MLLT3: variants seen among roughly 807,000 people sequenced by gnomAD.
The protein encoded by MLLT3 is protein AF-9.
MLLT3 carries 4 observed loss-of-function variants against 53.2 expected under a neutral mutation model. That is an observed-to-expected ratio of 0.08 (90% CI 0.04 to 0.17). MLLT3 has a LOEUF of 0.17. Among genes scored for constraint, MLLT3 ranks in the 10% least tolerant of loss-of-function variants. The pLI, the probability that MLLT3 is intolerant of heterozygous loss-of-function variation, is 1.00. For missense variants in MLLT3, 569 were observed against 684.0 expected, an observed-to-expected ratio of 0.83 and a Z score of 1.87; for synonymous variants, 283 against 230.6, an observed-to-expected ratio of 1.23 and a Z score of -2.06.
intron 9 of MLLT3, among the ~76,000 whole-genome samples, chr9:20,354,065 G>GT (rs1821103131): frequency 6.6e-6 from 1 of 152,142 alleles, no homozygotes; most frequent in Admixed American, 6.5e-5. Context: ...ATTTTGTGGG[G>GT]TTTTTCCTGT....
chr9:20,581,884 C>A (rs1819801627), intron 2 of MLLT3, among the ~76,000 whole-genome samples: 1 of 152,110 alleles, frequency 6.6e-6, no homozygotes, highest in African/African-American at 2.4e-5. Context: ...AGGAGAGCAA[C>A]CCTCTCTCAG....
chr9:20,551,568 T>A (rs1035203301), intron 2 of MLLT3, among the ~76,000 whole-genome samples: 2 of 152,200 alleles, frequency 1.3e-5, no homozygotes, highest in African/African-American at 4.8e-5. Flanking sequence ...GTGACACTTT[T>A]AATTCAAAAA....
intron 5 of MLLT3, among the ~76,000 whole-genome samples, chr9:20,397,897 T>C (rs1015143494): frequency 2.0e-4 from 31 of 152,102 alleles, no homozygotes; most frequent in Admixed American, 1.9e-3. Context: ...TAAATATATA[T>C]GTATTTCCAA....
intron 2 of MLLT3, among the ~76,000 whole-genome samples, chr9:20,572,780 C>T (rs980349336): frequency 5.9e-5 from 9 of 152,202 alleles, no homozygotes; most frequent in African/African-American, 1.7e-4. Flanking sequence ...GGCAATGGAG[C>T]AAGACTCCAC....
At chr9:20,498,935 G>T (rs1172218309) in intron 2 of MLLT3, among the ~76,000 whole-genome samples, 1 of 152,090 alleles carries the variant, frequency 6.6e-6, no homozygotes, top group Non-Finnish European at 1.5e-5. Flanking sequence ...CCACAAATAG[G>T]GTGGCTTGAA....
At chr9:20,532,863 C>A in intron 2 of MLLT3, 1 of 266,996 alleles carries the variant, frequency 3.7e-6, no homozygotes, top group Non-Finnish European at 7.2e-6. Flanking sequence ...CAAGTACAGA[C>A]CAGAGGCAAA....
At chr9:20,483,746 C>T (rs543322332) in intron 2 of MLLT3, among the ~76,000 whole-genome samples, 1 of 140,988 alleles carries the variant, frequency 7.1e-6, no homozygotes, top group East Asian at 2.1e-4. Flanking sequence ...ATCGCTCTGT[C>T]ACCCAGGCTA....
rs576655039 is a variant in MLLT3, at chr9:20,484,202, G to A, written c.194-27416C>T. Among the ~76,000 whole-genome samples, 13 of 152,198 alleles carry A rather than the reference G, an allele frequency of 8.5e-5. No individual in the cohort carries two copies. In the South Asian group the frequency reaches 1.2e-3, roughly 15 times the overall value. ...CACACAGAGGCAATCCAGTCAAGCCGGTAATGGAGAGAAATCTTACCAAAT... is the reference window on the plus strand; with the variant it reads ...CACACAGAGGCAATCCAGTCAAGCCAGTAATGGAGAGAAATCTTACCAAAT... On this transcript the variant is annotated intron_variant, in intron 2 of 10. Transcript: ENST00000380338.
intron 2 of MLLT3, among the ~76,000 whole-genome samples, chr9:20,533,799 CA>C (rs1386832940): frequency 6.6e-6 from 1 of 152,186 alleles, no homozygotes. Context: ...AAGCTAGACA[CA>C]GAAACACAAA....
intron 2 of MLLT3, among the ~76,000 whole-genome samples, chr9:20,602,832 T>C (rs1358213733): frequency 1.3e-5 from 2 of 151,540 alleles, no homozygotes; most frequent in Non-Finnish European, 2.9e-5. Context: ...TATCTCCACC[T>C]AAAAAGAGAA....
chr9:20,398,298 C>T (rs563669124), intron 5 of MLLT3, among the ~76,000 whole-genome samples: 12 of 151,976 alleles, frequency 7.9e-5, no homozygotes, highest in Non-Finnish European at 1.3e-4. Context: ...AGGCTGGTGT[C>T]AAACGGCTGG....
intron 2 of MLLT3, among the ~76,000 whole-genome samples, chr9:20,605,135 C>T (rs1295222369): frequency 6.6e-6 from 1 of 151,924 alleles, no homozygotes; most frequent in Non-Finnish European, 1.5e-5. Context: ...GGATTTATAC[C>T]ATTTTATAGA....
intron 5 of MLLT3, among the ~76,000 whole-genome samples, chr9:20,376,333 C>G (rs1821764458): frequency 6.6e-6 from 1 of 152,128 alleles, no homozygotes; most frequent in Non-Finnish European, 1.5e-5. Context: ...CTTATGTTAT[C>G]AAAAGCTATT....
chr9:20,355,013 C>A, intron 8 of MLLT3, 134 bp from the exon 9 acceptor site: 5 of 373,096 alleles, frequency 1.3e-5, no homozygotes, highest in East Asian at 5.3e-5. Context: ...CTTTTCTATA[C>A]ATTTTCCTTC....
At chr9:20,406,089 A>G (rs1187758940) in intron 5 of MLLT3, among the ~76,000 whole-genome samples, 3 of 152,010 alleles carry the variant, frequency 2.0e-5, no homozygotes, top group Non-Finnish European at 4.4e-5. Context: ...TCCAGCCTGG[A>G]TAACAGAGTG....
At chr9:20,384,652 A>T (rs577749256) in intron 5 of MLLT3, among the ~76,000 whole-genome samples, 1 of 152,068 alleles carries the variant, frequency 6.6e-6, no homozygotes, top group Non-Finnish European at 1.5e-5. Flanking sequence ...ACGACAGTCA[A>T]ATTAAGATTT....
chr9:20,592,048 C>G (rs1463243689), intron 2 of MLLT3, among the ~76,000 whole-genome samples: 1 of 152,090 alleles, frequency 6.6e-6, no homozygotes, highest in African/African-American at 2.4e-5. Context: ...CCTATATTAT[C>G]ATATTTTCAT....
intron 2 of MLLT3, among the ~76,000 whole-genome samples, chr9:20,502,997 G>C (rs762627700): frequency 2.6e-5 from 4 of 152,036 alleles, no homozygotes; most frequent in Admixed American, 6.5e-5. Flanking sequence ...TTTAAACCAA[G>C]AAGTTGAAAG....
At chr9:20,588,895 A>T (rs1293183781) in intron 2 of MLLT3, among the ~76,000 whole-genome samples, 2 of 151,880 alleles carry the variant, frequency 1.3e-5, no homozygotes, top group Admixed American at 1.3e-4. Flanking sequence ...ATACCATCTC[A>T]CACCAGTTAG....
Sources: allele counts gnomAD v4.1 joint callset (sites outside exome capture counted in the v4.1 genomes callset), GRCh38; gene constraint gnomAD v4.1.1; transcripts MANE v1.5; gene names NCBI Gene and HGNC (gene_info 2026-07-23, HGNC 2026-07-21).